COL5A2: variants seen among roughly 807,000 people sequenced by gnomAD.
COL5A2 encodes the protein collagen type V alpha 2 chain.
In COL5A2, 23 loss-of-function variants were observed where a neutral mutation model predicts 208.2. That is an observed-to-expected ratio of 0.11 (90% confidence interval 0.08 to 0.16). The LOEUF (loss-of-function observed/expected upper bound fraction) is 0.16. Ranked by LOEUF, COL5A2 falls within the 10% of genes least tolerant of loss-of-function variation. The pLI, the probability that COL5A2 is intolerant of heterozygous loss-of-function variation, is 1.00. For missense variants in COL5A2, 1,590 were observed against 1,956.4 expected (o/e 0.81, Z 3.53); for synonymous variants, 625 against 628.5 (o/e 0.99, Z 0.08).
At chr2:189,206,817 A>G (rs1472747356) in intron 1 of COL5A2, among the ~76,000 whole-genome samples, 1 of 152,240 alleles carries the variant, frequency 6.6e-6, no homozygotes, top group Non-Finnish European at 1.5e-5. Flanking sequence ...ACAATGACAC[A>G]TACTCGAAAG....
At chr2:189,151,814 A>T (rs1247141692) in intron 1 of COL5A2, among the ~76,000 whole-genome samples, 2 of 152,142 alleles carry the variant, frequency 1.3e-5, no homozygotes, top group Admixed American at 6.6e-5. Flanking sequence ...ACTTTGGTTA[A>T]ACTCTATCCT....
chr2:189,078,503 C>T lies in COL5A2; in HGVS notation c.1059+13G>A, dbSNP rs1559093269. 5.6e-6 allele frequency: 9 copies of T among 1,594,742 alleles called. No individual in the cohort carries two copies. The highest frequency in any genetic ancestry group is 7.7e-6 in the Non-Finnish European group (9 of 1,162,516). ...CACATCTCAGCAGTATAAGTAAAAG[C>T]AGATATACTTACAGGAGCACCCTGT... On this transcript the variant is annotated intron_variant, in intron 16 of 53. Transcript: ENST00000374866.
At chr2:189,272,128 A>C in the COL5A2 span, among the ~76,000 whole-genome samples, 200 of 152,298 alleles carry the variant, frequency 1.3e-3, no homozygotes, top group African/African-American at 4.5e-3. Flanking sequence ...CTAGAACCAG[A>C]AATACCATTT....
intron 3 of COL5A2, among the ~76,000 whole-genome samples, chr2:189,100,584 T>C (rs1286943982): frequency 6.6e-6 from 1 of 152,004 alleles, no homozygotes; most frequent in Non-Finnish European, 1.5e-5. Flanking sequence ...CACATAGTTT[T>C]CAGGATCTAA....
intron 31 of COL5A2, among the ~76,000 whole-genome samples, chr2:189,059,497 T>C (rs1422765417): frequency 1.3e-5 from 2 of 150,564 alleles, no homozygotes; most frequent in Admixed American, 6.6e-5. Context: ...AATCTTATTC[T>C]CCGAAATGGA....
At chr2:189,186,160 A>AT (rs199656713) in intron 1 of COL5A2, among the ~76,000 whole-genome samples, 157 of 151,122 alleles carry the variant, frequency 1.0e-3, no homozygotes, top group South Asian at 9.4e-3. Context: ...ACAATCAGCT[A>AT]TTTTTTTTTA....
chr2:189,354,414 CT>C, the COL5A2 span, among the ~76,000 whole-genome samples: 1 of 152,038 alleles, frequency 6.6e-6, no homozygotes, highest in East Asian at 1.9e-4. Flanking sequence ...AGGTCCTGGA[CT>C]TTTTTTGTTG....
the COL5A2 span, among the ~76,000 whole-genome samples, chr2:189,243,222 AAGGG>A: frequency 3.9e-5 from 6 of 152,114 alleles, no homozygotes; most frequent in East Asian, 1.2e-3. Context: ...GAAGGGAAGA[AAGGG>A]AGGGAGAGAG....
chr2:189,164,956 C>T lies in COL5A2; in HGVS notation c.97+14552G>A, dbSNP rs554562258. Among the ~76,000 whole-genome samples the T allele has an allele frequency of 5.9e-5, 9 of 152,332 alleles. No individual in the cohort carries two copies. In the East Asian group the frequency reaches 1.7e-3, roughly 29 times the overall value. On this transcript the variant is annotated intron_variant, in intron 1 of 53. Transcript: ENST00000374866. ...AGCTGCTTTCTCTTCATTGACTGCT[C>T]AGGCAAGGTGCATGCCATCCCTCAC...
At chr2:189,277,151 A>C in the COL5A2 span, among the ~76,000 whole-genome samples, 1 of 152,164 alleles carries the variant, frequency 6.6e-6, no homozygotes, top group African/African-American at 2.4e-5. Flanking sequence ...TATATAAAAT[A>C]CATAATTTGG....
At chr2:189,199,506 G>T (rs1398237675) in intron 1 of COL5A2, among the ~76,000 whole-genome samples, 1 of 152,116 alleles carries the variant, frequency 6.6e-6, no homozygotes, top group Non-Finnish European at 1.5e-5. Flanking sequence ...AAAAGGCATG[G>T]TCACACCCAC....
At chr2:189,056,474 G>C (rs1283798239) in intron 35 of COL5A2, among the ~76,000 whole-genome samples, 1 of 152,078 alleles carries the variant, frequency 6.6e-6, no homozygotes, top group Non-Finnish European at 1.5e-5. Flanking sequence ...CTTTGCAGTT[G>C]ACCATCCTTC....
intron 2 of COL5A2, among the ~76,000 whole-genome samples, chr2:189,108,529 A>C (rs1687195962): frequency 6.6e-6 from 1 of 151,894 alleles, no homozygotes; most frequent in Non-Finnish European, 1.5e-5. Flanking sequence ...GACATTCTAA[A>C]GAAGTATTTA....
intron 1 of COL5A2, among the ~76,000 whole-genome samples, chr2:189,152,733 C>G (rs1212548951): frequency 6.6e-6 from 1 of 152,142 alleles, no homozygotes; most frequent in Non-Finnish European, 1.5e-5. Context: ...TTGGAAAAAT[C>G]TCTTTTTCAG....
chr2:189,339,722 C>G, the COL5A2 span, among the ~76,000 whole-genome samples: 3 of 152,112 alleles, frequency 2.0e-5, no homozygotes, highest in African/African-American at 7.2e-5. Flanking sequence ...AAGAGTTGGT[C>G]AGCAGGAAGC....
chr2:189,374,306 T>A, the COL5A2 span, among the ~76,000 whole-genome samples: 1 of 151,280 alleles, frequency 6.6e-6, no homozygotes, highest in Admixed American at 6.6e-5. Context: ...AGGTTAGATA[T>A]CCTTTTTTTT....
At chr2:189,041,537 A>T in intron 50 of COL5A2, 49 bp downstream of exon 50, 1 of 1,374,308 alleles carries the variant, frequency 7.3e-7, no homozygotes, top group South Asian at 1.2e-5. Context: ...ACGGAATCTG[A>T]GCTATTGAAT....
At chr2:189,123,524 G>C (rs900977231) in intron 1 of COL5A2, among the ~76,000 whole-genome samples, 2 of 151,982 alleles carry the variant, frequency 1.3e-5, no homozygotes, top group Non-Finnish European at 2.9e-5. Flanking sequence ...AATAGATACA[G>C]AGACTCAGAC....
Position 189,033,968 on chromosome 2 carries a change from A to G in COL5A2, c.*102T>C, listed in dbSNP as rs1685389723. The G allele has an allele frequency of 6.7e-7, 1 of 1,485,062 alleles. No homozygotes were observed. 92.0% of individuals were successfully genotyped at this position (1,485,062 alleles called of 1,614,324 possible). ...ATACAATGCTGATGCAGGATCAGCC[A>G]TTACTTCAAGAGTCTCAGGATCAAC... On this transcript the variant is annotated 3_prime_UTR_variant, in exon 54 of 54. Transcript: ENST00000374866.
Sources: gnomAD v4.1 joint callset for allele counts (sites outside exome capture counted in the v4.1 genomes callset) on GRCh38, gnomAD v4.1.1 for gene constraint, MANE v1.5 for transcripts, NCBI Gene and HGNC (gene_info 2026-07-23, HGNC 2026-07-21) for gene names.